Variants in PCIF1 observed in about 807,000 individuals in gnomAD.
PCIF1 encodes the protein phosphorylated CTD interacting factor 1.
A neutral mutation model predicts 86.9 loss-of-function variants in PCIF1; 12 were observed. The observed-to-expected ratio is 0.14, with a 90% confidence interval of 0.09 to 0.22. PCIF1 has a LOEUF of 0.22. Among genes scored for constraint, PCIF1 ranks in the 10% least tolerant of loss-of-function variants. PCIF1 has a pLI of 1.00. For synonymous variants in PCIF1, 397 were observed against 372.0 expected (o/e 1.07, Z -0.77); for missense variants, 701 against 951.1 (o/e 0.74, Z 3.46).
chr20:45,946,005 C>T, intron 12 of PCIF1, 24 bp from the exon 13 acceptor site: 2 of 1,613,916 alleles, frequency 1.2e-6, no homozygotes, highest in African/African-American at 1.3e-5. Context: ...GCTGAAGGCT[C>T]CTCCTCTCTG....
chr20:45,940,963 G>T (rs760839644), intron 6 of PCIF1, 24 bp downstream of exon 6: 1 of 1,614,042 alleles, frequency 6.2e-7, no homozygotes, highest in Non-Finnish European at 8.5e-7. Flanking sequence ...GATTGGCTTG[G>T]GGGCACCCAT....
At chr20:45,942,874 A>G (rs1226254699) in intron 7 of PCIF1, among the ~76,000 whole-genome samples, 1 of 147,168 alleles carries the variant, frequency 6.8e-6, no homozygotes, top group East Asian at 2.0e-4. Context: ...TAGCCTTCCA[A>G]AGTGCTGAGA....
rs757793027 is a variant in PCIF1, at chr20:45,940,621, C to T, written c.387+9C>T. The T allele has an allele frequency of 6.2e-7, 1 of 1,603,088 alleles. No individual in the cohort carries two copies. Among genetic ancestry groups the T allele is most frequent in the Non-Finnish European group, 8.5e-7 (1 of 1,175,244 alleles). On this transcript the variant is annotated intron_variant, in intron 5 of 16. Coordinates refer to ENST00000372409, the MANE Select transcript of PCIF1 (RefSeq NM_022104.4). ...GTGTGAAGAAGCCCAAGGTGAGTGT[C>T]TGTGGCCAGGAGCCGGCTGCCGAGC...
At chr20:45,942,534 C>CT (rs941813121) in intron 7 of PCIF1, among the ~76,000 whole-genome samples, 22 of 151,970 alleles carry the variant, frequency 1.4e-4, no homozygotes, top group Non-Finnish European at 2.2e-4. Context: ...AGGCTGGTCT[C>CT]TAACTCCTGA....
intron 14 of PCIF1, 124 bp downstream of exon 14, chr20:45,946,508 G>A (rs983394831): frequency 3.2e-5 from 37 of 1,170,888 alleles, no homozygotes; most frequent in Admixed American, 4.2e-5. Context: ...ACCTCTTACC[G>A]GCTATGTGAC....
intron 4 of PCIF1, 116 bp downstream of exon 4, chr20:45,939,455 C>A (rs572595419): frequency 2.8e-6 from 4 of 1,434,394 alleles, no homozygotes; most frequent in Non-Finnish European, 3.8e-6. Context: ...CCTGCAGATA[C>A]AATGACAAGC....
Position 45,943,472 on chromosome 20 carries a change from C to A in PCIF1, c.905+49C>A. On this transcript the variant is annotated intron_variant, in intron 9 of 16. Coordinates refer to ENST00000372409, the MANE Select transcript of PCIF1 (RefSeq NM_022104.4). The surrounding 1 kb of genome is among the most constrained non-coding windows in gnomAD (Gnocchi z 5.5). Reference sequence around the variant, plus strand: ...CGAGATGGGTCTGTGATTAAAGTGGCAGGTCATAGGCCATCTTGCCCAGTC... The same window carrying A: ...CGAGATGGGTCTGTGATTAAAGTGGAAGGTCATAGGCCATCTTGCCCAGTC... 6.4e-7 allele frequency: 1 copy of A among 1,560,842 alleles called. No individual in the cohort carries two copies. Among genetic ancestry groups the A allele is most frequent in the Non-Finnish European group, 8.8e-7 (1 of 1,137,776 alleles).
intron 4 of PCIF1, 102 bp downstream of exon 4, chr20:45,939,441 G>A (rs900042312): frequency 3.3e-6 from 5 of 1,512,150 alleles, no homozygotes; most frequent in Non-Finnish European, 2.7e-6. Flanking sequence ...GCCCTGTGCT[G>A]GCACCTGCAG....
intron 11 of PCIF1, 122 bp downstream of exon 11, chr20:45,945,152 C>T (rs2083511765): frequency 1.7e-6 from 2 of 1,190,772 alleles, no homozygotes; most frequent in African/African-American, 1.5e-5. Context: ...TGCCTGTGTC[C>T]TTTGGCTGTA....
chr20:45,937,873 A>AT (rs763959456), intron 2 of PCIF1: 160 of 294,764 alleles, frequency 5.4e-4, no homozygotes, highest in Non-Finnish European at 8.6e-4. Flanking sequence ...TGTCCCAATG[A>AT]TTCGTATGAT....
At chr20:45,940,972 A>G (rs1029195287) in intron 6 of PCIF1, 33 bp downstream of exon 6, 1 of 1,613,882 alleles carries the variant, frequency 6.2e-7, no homozygotes, top group Non-Finnish European at 8.5e-7. Flanking sequence ...GGGGGCACCC[A>G]TTGCTAATGT....
rs886814269 is a variant in PCIF1, at chr20:45,934,799, G to A, written c.-193G>A. ...AGCCGCGTCCCCTCCAGTCCGCTCC[G>A]GGCAGGTAAGAGTCCCAGGAAGCCA... On this transcript the variant is annotated 5_prime_UTR_variant, in exon 1 of 17. Transcript: ENST00000372409. 20 of 398,240 alleles carry A rather than the reference G, an allele frequency of 5.0e-5. No individual in the cohort carries two copies. The East Asian group carries it at 5.4e-4, about 11-fold the overall frequency. The allele number at this position is 398,240 out of a possible 1,614,324, so 24.7% of individuals were successfully genotyped here. A position where few individuals can be genotyped will look rare whatever the true frequency, so the allele number is the denominator to read the frequency against.
At chr20:45,940,428 C>T (rs1371948637) in intron 4 of PCIF1, 47 bp from the exon 5 acceptor site, 2 of 1,543,462 alleles carry the variant, frequency 1.3e-6, no homozygotes, top group Non-Finnish European at 1.8e-6. Context: ...CCTGTGGCTC[C>T]TAAGCCGCTG....
In PCIF1 at chr20:45,943,445, G is replaced by C. The variant is rs961632704; in HGVS notation, c.905+22G>C. 1.0e-5 allele frequency: 16 copies of C among 1,605,098 alleles called. No individual in the cohort carries two copies. The highest frequency in any genetic ancestry group is 1.4e-5 in the Non-Finnish European group (16 of 1,174,308). ...CCAGGTTTGCCTGTCTTCTGCCCCA[G>C]GCGAGATGGGTCTGTGATTAAAGTG... is the stretch of plus-strand genomic sequence containing the variant. On this transcript the variant is annotated intron_variant, in intron 9 of 16. Transcript: ENST00000372409. This position sits in a 1 kb window ranked among gnomAD's most constrained non-coding sequence, Gnocchi z 5.5.
In PCIF1 at chr20:45,947,611, T is replaced by C; in HGVS notation, c.1971T>C (p.Pro657=). Residue 657 remains proline (P), a synonymous_variant, in exon 17 of 17, where the codon CCT becomes CCC. Coordinates refer to ENST00000372409, the MANE Select transcript of PCIF1 (RefSeq NM_022104.4). This position sits in a 1 kb window ranked among gnomAD's most constrained non-coding sequence, Gnocchi z 5.4. ...GCTTTGCCAAGTGGGCGCCGACGCC[T>C]GAACGGCTGCAGGAGCTGAGTGCTG... ...DPGFAKWAPT[P]ERLQELSAAY... 2.5e-6 allele frequency: 4 copies of C among 1,613,056 alleles called. No individual in the cohort carries two copies. Among genetic ancestry groups the C allele is most frequent in the Non-Finnish European group, 2.5e-6 (3 of 1,180,016 alleles).
intron 1 of PCIF1, among the ~76,000 whole-genome samples, chr20:45,935,148 G>GC (rs922198771): frequency 6.6e-6 from 1 of 150,394 alleles, no homozygotes; most frequent in African/African-American, 2.4e-5. Context: ...GCGCGCGCGC[G>GC]CGCGCCAAAC....
chr20:45,946,934 C>T, intron 14 of PCIF1, 139 bp from the exon 15 acceptor site: 1 of 673,414 alleles, frequency 1.5e-6, no homozygotes, highest in Non-Finnish European at 2.6e-6. Context: ...ATGCCTTGTG[C>T]CCCAATGAAT....
In PCIF1 at chr20:45,941,196, A is replaced by G; in HGVS notation, c.662A>G (p.Gln221Arg). 1 of 1,604,604 alleles carries G rather than the reference A, an allele frequency of 6.2e-7. No individual in the cohort carries two copies. Among genetic ancestry groups the G allele is most frequent in the South Asian group, 1.1e-5 (1 of 90,096 alleles). The change falls in exon 7 of 17, where the codon CAG becomes CGG. Residue 221 changes from glutamine (Q) to arginine (R), a missense_variant. Transcript: ENST00000372409. ...CGGCAGCACTATCGGGAGCTGTGCC[A>G]GCAGCGAGAGGGTACCTGCCTCTGG... Reference protein sequence around the residue: ...KLRQHYRELCQQREGIEPPRE... With the variant: ...KLRQHYRELCRQREGIEPPRE...
At chr20:45,941,877 A>G (rs1055913495) in intron 7 of PCIF1, among the ~76,000 whole-genome samples, 2 of 149,672 alleles carry the variant, frequency 1.3e-5, no homozygotes, top group Admixed American at 6.6e-5. Flanking sequence ...GTGAGCCACC[A>G]TGCCTGGCCT....
Sources: gnomAD v4.1 joint callset for allele counts (sites outside exome capture counted in the v4.1 genomes callset) on GRCh38, gnomAD v4.1.1 for gene constraint, Gnocchi (gnomAD v3.1) non-coding constraint, MANE v1.5 for transcripts, NCBI Gene and HGNC (gene_info 2026-07-23, HGNC 2026-07-21) for gene names.